The following CAMK1D variants were observed in gnomAD, a reference collection of about 807,000 sequenced individuals.
CAMK1D encodes calcium/calmodulin dependent protein kinase ID.
Under a neutral mutation model 47.7 loss-of-function variants are expected in CAMK1D, and 9 were observed. That is an observed-to-expected ratio of 0.19 (90% CI 0.11 to 0.33). The LOEUF is 0.33. CAMK1D is among the 10% of genes least tolerant of loss of function. The probability of loss-of-function intolerance (pLI) is 1.00; values close to 1 mark genes in which losing one functional copy is unlikely to be tolerated. For synonymous variants in CAMK1D, 184 were observed against 184.9 expected (o/e 0.99, Z 0.04); for missense variants, 291 against 488.7 (o/e 0.60, Z 3.81).
intron 1 of CAMK1D, among the ~76,000 whole-genome samples, chr10:12,375,335 A>C (rs995869760): frequency 8.5e-5 from 13 of 152,172 alleles, no homozygotes; most frequent in African/African-American, 2.4e-4. Context: ...GTCCTTGAGA[A>C]CGTTCCCCCA....
chr10:12,585,389 G>A (rs1837785373), intron 2 of CAMK1D, among the ~76,000 whole-genome samples: 2 of 152,194 alleles, frequency 1.3e-5, no homozygotes, highest in Admixed American at 6.5e-5. Context: ...TTCTGACCCT[G>A]TAGTTGTTTC....
chr10:12,641,451 A>G (rs1469755778), intron 2 of CAMK1D, among the ~76,000 whole-genome samples: 3 of 152,028 alleles, frequency 2.0e-5, no homozygotes, highest in Admixed American at 1.3e-4. Context: ...ATGGGACCCC[A>G]TCTCTACTAA....
chr10:12,498,844 G>A (rs534570308), intron 1 of CAMK1D, among the ~76,000 whole-genome samples: 1 of 152,134 alleles, frequency 6.6e-6, no homozygotes. Context: ...GTTCAATTTA[G>A]TACTTTGCAG....
chr10:12,823,058 A>G (rs540875768), intron 8 of CAMK1D, among the ~76,000 whole-genome samples: 1 of 152,122 alleles, frequency 6.6e-6, no homozygotes, highest in African/African-American at 2.4e-5. Flanking sequence ...CCCCAATTTT[A>G]TATCGACTCT....
intron 1 of CAMK1D, among the ~76,000 whole-genome samples, chr10:12,397,919 C>T (rs925899145): frequency 1.3e-5 from 2 of 152,104 alleles, no homozygotes; most frequent in Non-Finnish European, 2.9e-5. Context: ...AGCTTCTTTT[C>T]GAGGGGCCCA....
chr10:12,580,423 T>A (rs1837629491), intron 2 of CAMK1D, among the ~76,000 whole-genome samples: 1 of 151,546 alleles, frequency 6.6e-6, no homozygotes, highest in African/African-American at 2.4e-5. Context: ...GGTGACAGTA[T>A]TTGGTGTACA....
At chr10:12,528,365 AC>A (rs1835694028) in intron 1 of CAMK1D, among the ~76,000 whole-genome samples, 1 of 152,244 alleles carries the variant, frequency 6.6e-6, no homozygotes, top group Non-Finnish European at 1.5e-5. Context: ...TTAGTGCCTC[AC>A]ATTGATCATC....
intron 3 of CAMK1D, among the ~76,000 whole-genome samples, chr10:12,678,571 T>C (rs967754240): frequency 6.6e-6 from 1 of 152,224 alleles, no homozygotes; most frequent in Non-Finnish European, 1.5e-5. Flanking sequence ...CCATCCATTA[T>C]TGAAAGTGGG....
intron 3 of CAMK1D, among the ~76,000 whole-genome samples, chr10:12,694,397 A>G (rs11599569): frequency 0.2 from 9,854 of 48,602 alleles, 1,270 homozygotes; most frequent in East Asian, 0.26. Flanking sequence ...TATGTTATAT[A>G]TCATATATAA....
intron 2 of CAMK1D, among the ~76,000 whole-genome samples, chr10:12,634,481 A>T (rs570535787): frequency 6.6e-6 from 1 of 152,278 alleles, no homozygotes; most frequent in Middle Eastern, 3.4e-3. Context: ...GGAGTTCAAC[A>T]GGGACAGAGC....
chr10:12,435,015 C>T (rs183949548), intron 1 of CAMK1D, among the ~76,000 whole-genome samples: 28 of 151,892 alleles, frequency 1.8e-4, no homozygotes, highest in Non-Finnish European at 3.4e-4. Flanking sequence ...GTCAGGAGTT[C>T]GAGACCATCC....
chr10:12,643,146 C>T (rs1839712677), intron 2 of CAMK1D, among the ~76,000 whole-genome samples: 1 of 152,102 alleles, frequency 6.6e-6, no homozygotes, highest in Non-Finnish European at 1.5e-5. Context: ...GAATTACAGG[C>T]GCCCCCCACC....
At chr10:12,379,214 A>G (rs540482930) in intron 1 of CAMK1D, among the ~76,000 whole-genome samples, 9 of 152,330 alleles carry the variant, frequency 5.9e-5, no homozygotes, top group South Asian at 2.1e-4. Flanking sequence ...TTCTCAGTCA[A>G]TGGATCTTAT....
chr10:12,446,027 T>C (rs1296163967), intron 1 of CAMK1D, among the ~76,000 whole-genome samples: 1 of 152,202 alleles, frequency 6.6e-6, no homozygotes, highest in Admixed American at 6.5e-5. Flanking sequence ...GATAGTACTG[T>C]TCATTTCTTT....
At chr10:12,674,161 T>C (rs1021248027) in intron 3 of CAMK1D, among the ~76,000 whole-genome samples, 1 of 152,278 alleles carries the variant, frequency 6.6e-6, no homozygotes, top group East Asian at 1.9e-4. Flanking sequence ...TCCAGGCTGA[T>C]CTCAAACCCC....
At chr10:12,625,330 C>T (rs1456924773) in intron 2 of CAMK1D, among the ~76,000 whole-genome samples, 1 of 110,396 alleles carries the variant, frequency 9.1e-6, no homozygotes, top group African/African-American at 4.0e-5. Context: ...AGCGAAACTC[C>T]ATGTACAAAA....
At chr10:12,359,444 C>T (rs959913468) in intron 1 of CAMK1D, among the ~76,000 whole-genome samples, 1 of 152,042 alleles carries the variant, frequency 6.6e-6, no homozygotes, top group Admixed American at 6.6e-5. Flanking sequence ...CCTGAAACGT[C>T]CTCTGGCCCA....
At chr10:12,541,649 T>C (rs946268783) in intron 1 of CAMK1D, among the ~76,000 whole-genome samples, 5 of 151,622 alleles carry the variant, frequency 3.3e-5, no homozygotes, top group Non-Finnish European at 5.9e-5. Flanking sequence ...CGTGAGCCAC[T>C]GCGCCCAGCT....
At chr10:12,652,502 G>T (rs1183821028) in intron 2 of CAMK1D, among the ~76,000 whole-genome samples, 1 of 151,604 alleles carries the variant, frequency 6.6e-6, no homozygotes, top group East Asian at 1.9e-4. Context: ...GCAGGGGAAT[G>T]GTGTGACCCC....
Sources: allele counts gnomAD v4.1 joint callset (sites outside exome capture counted in the v4.1 genomes callset), GRCh38; gene constraint gnomAD v4.1.1; transcripts MANE v1.5; gene names NCBI Gene and HGNC (gene_info 2026-07-23, HGNC 2026-07-21).